Variants in BTBD9 observed in about 807,000 individuals in gnomAD.
The protein encoded by BTBD9 is BTB/POZ domain-containing protein 9.
BTBD9 carries 49 observed loss-of-function variants against 64.3 expected under a neutral mutation model. That is an observed-to-expected ratio of 0.76 (90% CI 0.61 to 0.97). The LOEUF (loss-of-function observed/expected upper bound fraction) is 0.97. BTBD9 is among the 50% of genes least tolerant of loss of function. BTBD9 has a pLI of 0.00. For missense variants in BTBD9, 598 were observed against 762.1 expected (o/e 0.78, Z 2.53); for synonymous variants, 260 against 274.7 (o/e 0.95, Z 0.53).
At chr6:38,211,603 G>T (rs995698353) in intron 9 of BTBD9, among the ~76,000 whole-genome samples, 2 of 152,056 alleles carry the variant, frequency 1.3e-5, no homozygotes, top group South Asian at 2.1e-4. Flanking sequence ...AATTAGGGGG[G>T]TGTGGTGGTG....
At chr6:38,536,536 C>T (rs1035720383) in intron 6 of BTBD9, among the ~76,000 whole-genome samples, 1 of 152,030 alleles carries the variant, frequency 6.6e-6, no homozygotes, top group African/African-American at 2.4e-5. Context: ...CCCATATTTA[C>T]TATAGCACTA....
At chr6:38,565,908 A>G (rs1775471360) in intron 6 of BTBD9, 1 of 152,214 alleles carries the variant, frequency 6.6e-6, no homozygotes, top group Admixed American at 6.5e-5. Flanking sequence ...ACAAGCAACA[A>G]TACATTTAGA....
chr6:38,302,485 G>GTATGTGTGTGTATATATATATATA (rs1384155514), intron 7 of BTBD9, among the ~76,000 whole-genome samples: 6 of 106,892 alleles, frequency 5.6e-5, no homozygotes, highest in African/African-American at 2.1e-4. Context: ...TTGTGTGTAT[G>GTATGTGTGTGTATATATATATATA]TATATATATA....
At chr6:38,383,646 G>A (rs760218248) in intron 6 of BTBD9, among the ~76,000 whole-genome samples, 5 of 152,174 alleles carry the variant, frequency 3.3e-5, no homozygotes, top group Non-Finnish European at 2.9e-5. Flanking sequence ...TTTGTTGAAT[G>A]ACGGTAAAGA....
chr6:38,562,127 G>A (rs1775289953), intron 6 of BTBD9, among the ~76,000 whole-genome samples: 1 of 152,012 alleles, frequency 6.6e-6, no homozygotes, highest in African/African-American at 2.4e-5. Context: ...GATTCTGTAG[G>A]GTACATTTAA....
intron 6 of BTBD9, among the ~76,000 whole-genome samples, chr6:38,494,510 T>C (rs1352591398): frequency 6.6e-6 from 1 of 152,248 alleles, no homozygotes; most frequent in Non-Finnish European, 1.5e-5. Context: ...TCTTAAGTGT[T>C]AAAATCCAAA....
chr6:38,389,389 C>T lies in BTBD9; in HGVS notation c.1155-44296G>A, dbSNP rs115695228. 3.3e-3 allele frequency among the ~76,000 whole-genome samples: 501 copies of T among 152,236 alleles called. 2 individuals carry two copies. The highest frequency in any genetic ancestry group is 0.012 in the African/African-American group (482 of 41,538). On this transcript the variant is annotated intron_variant, in intron 6 of 10. Transcript: ENST00000481247. ...TTCTTCTTTGTACATTCCAAAAAGA[C>T]CCAGGAAATTTCAAAATACTCTCTC...
intron 1 of BTBD9, among the ~76,000 whole-genome samples, chr6:38,601,846 A>C (rs1777252537): frequency 6.6e-6 from 1 of 152,252 alleles, no homozygotes; most frequent in African/African-American, 2.4e-5. Context: ...GGTTCACTAA[A>C]GTAACCACAT....
At chr6:38,222,710 G>C (rs1763254416) in intron 9 of BTBD9, among the ~76,000 whole-genome samples, 1 of 151,948 alleles carries the variant, frequency 6.6e-6, no homozygotes. Flanking sequence ...TACACCTAAG[G>C]GTAAAAGGTA....
intron 9 of BTBD9, among the ~76,000 whole-genome samples, chr6:38,243,735 T>C (rs549001393): frequency 3.3e-5 from 5 of 152,170 alleles, no homozygotes; most frequent in African/African-American, 9.6e-5. Context: ...ATGAGTTTAG[T>C]TTGAGACAAG....
At chr6:38,518,092 A>G (rs1773118559) in intron 6 of BTBD9, among the ~76,000 whole-genome samples, 1 of 152,240 alleles carries the variant, frequency 6.6e-6, no homozygotes, top group South Asian at 2.1e-4. Flanking sequence ...CAGGGCCAAT[A>G]CAGTAGCAAA....
chr6:38,231,183 T>C (rs1033484937), intron 9 of BTBD9, among the ~76,000 whole-genome samples: 1 of 152,248 alleles, frequency 6.6e-6, no homozygotes, highest in African/African-American at 2.4e-5. Flanking sequence ...TTCATTTTTA[T>C]ACCACCATTA....
chr6:38,362,119 A>G (rs1398868424), intron 6 of BTBD9, among the ~76,000 whole-genome samples: 1 of 152,168 alleles, frequency 6.6e-6, no homozygotes, highest in East Asian at 1.9e-4. Flanking sequence ...GTTCCTAGGT[A>G]TGCCTTTCTC....
intron 10 of BTBD9, among the ~76,000 whole-genome samples, chr6:38,188,904 C>T (rs1384272183): frequency 1.3e-5 from 2 of 152,192 alleles, no homozygotes; most frequent in East Asian, 1.9e-4. Flanking sequence ...ACCCAGAAGA[C>T]GGCCCTCACC....
intron 6 of BTBD9, among the ~76,000 whole-genome samples, chr6:38,385,552 T>C (rs1371422714): frequency 1.3e-5 from 2 of 152,102 alleles, no homozygotes; most frequent in East Asian, 3.9e-4. Flanking sequence ...ATATTTATTA[T>C]TGCAAGAGTA....
intron 7 of BTBD9, among the ~76,000 whole-genome samples, chr6:38,338,735 TA>T (rs1460496215): frequency 6.6e-6 from 1 of 152,186 alleles, no homozygotes; most frequent in East Asian, 1.9e-4. Context: ...AATCTCAGTG[TA>T]AAGTGTTTAC....
intron 9 of BTBD9, among the ~76,000 whole-genome samples, chr6:38,251,246 G>A (rs1277179053): frequency 6.6e-6 from 1 of 150,882 alleles, no homozygotes; most frequent in Admixed American, 6.6e-5. Context: ...AAGTTGTTAA[G>A]TTAATAAAAG....
At chr6:38,607,792 T>C (rs1247826233) in intron 1 of BTBD9, among the ~76,000 whole-genome samples, 1 of 150,664 alleles carries the variant, frequency 6.6e-6, no homozygotes, top group African/African-American at 2.4e-5. Flanking sequence ...GCTCAATTTA[T>C]AATTTGCCAA....
chr6:38,490,592 T>C (rs1771661651), intron 6 of BTBD9, among the ~76,000 whole-genome samples: 1 of 152,158 alleles, frequency 6.6e-6, no homozygotes, highest in South Asian at 2.1e-4. Flanking sequence ...AGTGCTGGGA[T>C]TACAGGTGTG....
Sources: allele counts gnomAD v4.1 joint callset (sites outside exome capture counted in the v4.1 genomes callset), GRCh38; gene constraint gnomAD v4.1.1; transcripts MANE v1.5; gene names NCBI Gene and HGNC (gene_info 2026-07-23, HGNC 2026-07-21).